Variants in TBCK observed in about 807,000 individuals in gnomAD.
TBCK encodes TBC domain-containing protein kinase-like protein.
Under a neutral mutation model 113.4 loss-of-function variants are expected in TBCK, and 99 were observed. The ratio of observed to expected loss-of-function variants is 0.87; its 90% confidence interval spans 0.74 to 1.03. TBCK has a LOEUF of 1.03. Among genes scored for constraint, TBCK ranks in the 50% least tolerant of loss-of-function variants. The pLI, the probability that TBCK is intolerant of heterozygous loss-of-function variation, is 0.00. For missense variants in TBCK, 1,045 were observed against 1,061.3 expected (o/e 0.98, Z 0.21); for synonymous variants, 369 against 370.8 (o/e 1.00, Z 0.05).
At chr4:106,180,208 AATTT>A (rs1256092578) in intron 22 of TBCK, among the ~76,000 whole-genome samples, 1 of 151,852 alleles carries the variant, frequency 6.6e-6, no homozygotes, top group Non-Finnish European at 1.5e-5. Context: ...TTGGATAATT[AATTT>A]AATTGGATAA....
rs1390450430 is a variant in TBCK at position 106,188,273 on chromosome 4, C to T, written c.2059+5336G>A. Among the ~76,000 whole-genome samples, 3 of 152,254 alleles carry T rather than the reference C, an allele frequency of 2.0e-5. No homozygotes were observed. The East Asian group carries it at 5.8e-4, about 29-fold the overall frequency. On this transcript the variant is annotated intron_variant, in intron 22 of 25. Transcript: ENST00000394708. The stretch of plus-strand genomic sequence containing the variant: ...TAAATTTAATACATTTTGGTCCTTA[C>T]ATTCTTATTGCAATATCTATCAGCA...
chr4:106,230,412 G>A lies in TBCK; in HGVS notation c.1725C>T (p.Pro575=), dbSNP rs778594206. The A allele has an allele frequency of 1.9e-6, 3 of 1,602,960 alleles. No homozygotes were observed. The Admixed American group carries it at 5.0e-5, about 27-fold the overall frequency. Residue 575 remains proline (P), a synonymous_variant, in exon 19 of 26, where the codon CCC becomes CCT. Transcript: ENST00000394708. ...TTAAGAAGAAGTTATACAGGTATTT[G>A]GGAATAAAAGCAGACATACATGCAT... ...LAYACMSAFI[P]KYLYNFFLKD...
chr4:106,274,621 A>T (rs1763822000), intron 3 of TBCK, among the ~76,000 whole-genome samples: 1 of 152,210 alleles, frequency 6.6e-6, no homozygotes, highest in Non-Finnish European at 1.5e-5. Flanking sequence ...AGGTCAGGGT[A>T]GGTAAATTCA....
chr4:106,276,382 A>C (rs1442647491), intron 3 of TBCK, among the ~76,000 whole-genome samples: 2 of 152,226 alleles, frequency 1.3e-5, no homozygotes, highest in Non-Finnish European at 2.9e-5. Context: ...CAGTAACCAC[A>C]GAAGAAAAAT....
chr4:106,316,553 T>C (rs763715597), upstream of TBCK: 17 of 1,551,462 alleles, frequency 1.1e-5, 1 homozygote, highest in Non-Finnish European at 3.5e-6. Context: ...CCTACATGCT[T>C]CCTGCTGTGG....
intron 3 of TBCK, among the ~76,000 whole-genome samples, chr4:106,286,518 T>A (rs1765124740): frequency 6.6e-6 from 1 of 152,128 alleles, no homozygotes; most frequent in African/African-American, 2.4e-5. Flanking sequence ...CAATTCAAAG[T>A]TCAAAAACAT....
rs758933723 is a variant in TBCK at position 106,233,640 on chromosome 4, T to C, written c.1460A>G (p.His487Arg). The change falls in exon 16 of 26, where the codon CAT becomes CGT. Residue 487 changes from histidine (H) to arginine (R), a missense_variant. Transcript: ENST00000394708. ...TTTATCAATTGCATCGTACTTGGCA[T>C]GAATAGCTCCCTGCAAAAAATAAAA... is the stretch of plus-strand genomic sequence containing the variant. ...AALLGVEGAI[H>R]AKYDAIDKDT... is the part of the protein sequence containing the mutation. The C allele has an allele frequency of 3.7e-6, 6 of 1,608,590 alleles. No individual in the cohort carries two copies. The highest frequency in any genetic ancestry group is 5.1e-6 in the Non-Finnish European group (6 of 1,176,676).
At chr4:106,144,869 C>G (rs1437375133) in intron 23 of TBCK, among the ~76,000 whole-genome samples, 3 of 151,562 alleles carry the variant, frequency 2.0e-5, no homozygotes, top group Non-Finnish European at 4.4e-5. Flanking sequence ...ACTAAAAATA[C>G]AAAATTAGCC....
chr4:106,178,205 T>G (rs1195543951), intron 22 of TBCK, among the ~76,000 whole-genome samples: 1 of 152,012 alleles, frequency 6.6e-6, no homozygotes, highest in Non-Finnish European at 1.5e-5. Context: ...GCAAATCTGT[T>G]CTAACAGTTT....
At chr4:106,088,193 A>C (rs188456435) in intron 25 of TBCK, among the ~76,000 whole-genome samples, 9 of 152,380 alleles carry the variant, frequency 5.9e-5, no homozygotes, top group Admixed American at 4.6e-4. Flanking sequence ...AAATTCTTGC[A>C]ATCTACCTAT....
intron 20 of TBCK, among the ~76,000 whole-genome samples, chr4:106,198,017 T>G (rs1386464657): frequency 6.6e-6 from 1 of 152,108 alleles, no homozygotes; most frequent in Non-Finnish European, 1.5e-5. Context: ...GCAACTGTGA[T>G]GACATCATTC....
At chr4:106,250,517 C>T in intron 6 of TBCK, 39 bp from the exon 7 acceptor site, 1 of 1,216,056 alleles carries the variant, frequency 8.2e-7, no homozygotes, top group Non-Finnish European at 1.2e-6. Context: ...TTAATATTTA[C>T]ATGTTTTTTC....
At chr4:106,262,469 T>C (rs1188963076) in intron 3 of TBCK, among the ~76,000 whole-genome samples, 7 of 152,074 alleles carry the variant, frequency 4.6e-5, no homozygotes, top group Admixed American at 4.6e-4. Flanking sequence ...ATTTGGTTCT[T>C]CCACGAAAGG....
At position 106,116,273 on chromosome 4, in the gene TBCK, T is replaced by G; in HGVS notation, c.2341A>C (p.Lys781Gln). ...GACTTTGTTTTCTTGCTGGGTGTTT[T>G]GAAGTGGCCTGTCACTGTGAGCTCA... ...LCELTVTGHFKTPSKKTKSSK... is the reference protein window; with the variant it reads ...LCELTVTGHFQTPSKKTKSSK... The change falls in exon 24 of 26, where the codon AAA becomes CAA. Residue 781 changes from lysine (K) to glutamine (Q), a missense_variant. Lys to Gln is a moderately conservative substitution (Grantham distance 53, BLOSUM62 1). Transcript: ENST00000394708. 1 of 1,614,106 alleles carries G rather than the reference T, an allele frequency of 6.2e-7. No individual in the cohort carries two copies. Among genetic ancestry groups the G allele is most frequent in the Non-Finnish European group, 8.5e-7 (1 of 1,180,036 alleles).
At chr4:106,093,387 G>A (rs1740533424) in intron 25 of TBCK, among the ~76,000 whole-genome samples, 1 of 152,230 alleles carries the variant, frequency 6.6e-6, no homozygotes, top group African/African-American at 2.4e-5. Context: ...GGTGCCTGTA[G>A]TGCCAGCTAC....
At chr4:106,079,357 C>T (rs556814141) in intron 25 of TBCK, among the ~76,000 whole-genome samples, 32 of 152,064 alleles carry the variant, frequency 2.1e-4, no homozygotes, top group African/African-American at 6.3e-4. Context: ...GAAAAGAGAT[C>T]GAATAGGAAA....
chr4:106,168,601 T>C (rs917525482), intron 23 of TBCK, among the ~76,000 whole-genome samples: 4 of 151,874 alleles, frequency 2.6e-5, no homozygotes, highest in South Asian at 4.1e-4. Context: ...CTGAAGGAAC[T>C]GAGCAAAAAA....
At chr4:106,311,684 T>C (rs1393426198) in intron 1 of TBCK, among the ~76,000 whole-genome samples, 1 of 152,152 alleles carries the variant, frequency 6.6e-6, no homozygotes, top group East Asian at 1.9e-4. Context: ...TTAATGGGTG[T>C]TCATGTTATC....
chr4:106,298,446 GA>G (rs373114827), intron 2 of TBCK, among the ~76,000 whole-genome samples: 22,174 of 138,916 alleles, frequency 0.16, 1,723 homozygotes, highest in South Asian at 0.26. Context: ...CTAAAAATAT[GA>G]AAAAAAAAAA....
Sources: gnomAD v4.1 joint callset for allele counts (sites outside exome capture counted in the v4.1 genomes callset) on GRCh38, gnomAD v4.1.1 for gene constraint, MANE v1.5 for transcripts, NCBI Gene and HGNC (gene_info 2026-07-23, HGNC 2026-07-21) for gene names.